Variants in BTBD3 observed in about 807,000 individuals in gnomAD.
BTBD3 encodes BTB/POZ domain-containing protein 3.
Under a neutral mutation model 41.6 loss-of-function variants are expected in BTBD3, and 14 were observed. The observed-to-expected ratio is 0.34, with a 90% CI of 0.22 to 0.53. BTBD3 has a LOEUF of 0.53. Ranked by LOEUF, BTBD3 falls within the 20% of genes least tolerant of loss-of-function variation. The probability of loss-of-function intolerance (pLI) is 0.95; values close to 1 mark genes in which losing one functional copy is unlikely to be tolerated. For synonymous variants in BTBD3, 249 were observed against 233.7 expected, an observed-to-expected ratio of 1.07 and a Z score of -0.60; for missense variants, 426 against 654.7, an observed-to-expected ratio of 0.65 and a Z score of 3.81.
chr20:11,901,489 C>T (rs2056823519), intron 1 of BTBD3, among the ~76,000 whole-genome samples: 1 of 152,178 alleles, frequency 6.6e-6, no homozygotes, highest in African/African-American at 2.4e-5. Context: ...CTTCCTTACC[C>T]TTCCCCAAGA....
chr20:11,896,625 G>A (rs1271687871), intron 1 of BTBD3, among the ~76,000 whole-genome samples: 1 of 152,110 alleles, frequency 6.6e-6, no homozygotes, highest in Non-Finnish European at 1.5e-5. Flanking sequence ...TTCTTCATCA[G>A]GACAAAGAAA....
At chr20:11,913,135 G>C (rs2056899161), upstream of BTBD3, among the ~76,000 whole-genome samples, 1 of 152,160 alleles carries the variant, frequency 6.6e-6, no homozygotes, top group Non-Finnish European at 1.5e-5. Context: ...ACCTTACCTT[G>C]TTTAAACCTC....
Position 11,926,205 on chromosome 20 carries a change from T to C in BTBD3, c.*2539T>C, listed in dbSNP as rs1440686041. ...AAGCAGAATACACTGTAGATGCTTT[T>C]CCCCAACGTATCTGGCTGGCAGTCT... On this transcript the variant is annotated 3_prime_UTR_variant, in exon 4 of 4. Transcript: ENST00000378226. The C allele has an allele frequency of 6.5e-6, 1 of 152,680 alleles. No homozygotes were observed. Among genetic ancestry groups the C allele is most frequent in the Non-Finnish European group, 1.5e-5 (1 of 68,042 alleles). The allele number at this position is 152,680 out of a possible 1,614,324, so 9.5% of individuals were successfully genotyped here.
At chr20:11,904,347 T>C (rs2056841070) in intron 1 of BTBD3, among the ~76,000 whole-genome samples, 1 of 152,158 alleles carries the variant, frequency 6.6e-6, no homozygotes, top group South Asian at 2.1e-4. Flanking sequence ...CCAGATCTCA[T>C]GAGAACTTAC....
rs746916322 is a variant in BTBD3 at position 11,923,480 on chromosome 20, C to G, written c.1383C>G (p.Ile461Met). ...TATGGTTTGAATACCCAGTGCAGAT[C>G]GAGCCAGACACCTTCTACACAGCCA... Reference protein sequence around the residue: ...FPVWFEYPVQIEPDTFYTASV... With the variant: ...FPVWFEYPVQMEPDTFYTASV... Residue 461 changes from isoleucine to methionine, a missense_variant, in exon 4 of 4, where the codon ATC becomes ATG. By Grantham distance (10) the Ile-to-Met change is conservative. Transcript: ENST00000378226. The surrounding 1 kb of genome is among the most constrained non-coding windows in gnomAD (Gnocchi z 5.3). 1 of 1,614,108 alleles carries G rather than the reference C, an allele frequency of 6.2e-7. No homozygotes were observed. The highest frequency in any genetic ancestry group is 8.5e-7 in the Non-Finnish European group (1 of 1,180,008).
chr20:11,923,794 T>TAAAAGAAATTAGAACCTG lies in BTBD3; in HGVS notation c.*128_*129insAAAAGAAATTAGAACCTG. The TAAAAGAAATTAGAACCTG allele has an allele frequency of 1.1e-6, 1 of 938,008 alleles. No homozygotes were observed. The highest frequency in any genetic ancestry group is 1.6e-6 in the Non-Finnish European group (1 of 636,936). 58.1% of individuals were successfully genotyped at this position (938,008 alleles called of 1,614,324 possible). The stretch of plus-strand genomic sequence containing the variant: ...GTAATGAATGAAGCGGTAGGCAGGT[T>TAAAAGAAATTAGAACCTG]CTAATTTCTTTTAACCTTTTAATTA... On this transcript the variant is annotated 3_prime_UTR_variant, in exon 4 of 4. Transcript: ENST00000378226. This position sits in a 1 kb window ranked among gnomAD's most constrained non-coding sequence, Gnocchi z 5.3.
chr20:11,899,758 C>G (rs2056812694), intron 1 of BTBD3, among the ~76,000 whole-genome samples: 1 of 152,138 alleles, frequency 6.6e-6, no homozygotes, highest in Admixed American at 6.5e-5. Flanking sequence ...CTTTCCTCCT[C>G]TTTCTTAATA....
chr20:11,923,704 A>C lies in BTBD3; in HGVS notation c.*38A>C. 1.9e-6 allele frequency: 3 copies of C among 1,546,472 alleles called. No individual in the cohort carries two copies. The highest frequency in any genetic ancestry group is 2.6e-6 in the Non-Finnish European group (3 of 1,144,874). ...TGAAGCAGCTTGAGCTCCAAAGTGC[A>C]CATCTGGTTCCAACTTGCCTGATGC... On this transcript the variant is annotated 3_prime_UTR_variant, in exon 4 of 4. Transcript: ENST00000378226. This position sits in a 1 kb window ranked among gnomAD's most constrained non-coding sequence, Gnocchi z 5.3.
At chr20:11,919,223 G>T in intron 2 of BTBD3, 47 bp downstream of exon 2, 1 of 1,551,944 alleles carries the variant, frequency 6.4e-7, no homozygotes, top group East Asian at 2.3e-5. Context: ...TTTACAAAGA[G>T]GGACCCTTTC....
At position 11,918,613 on chromosome 20, in the gene BTBD3, G is replaced by A. The variant is rs191954510; in HGVS notation, c.326+12G>A. ...ACCATTAGAGAGAGGTAAGTGCCGCGCTAGTCTATTTACTTTAAAAGTTTT... is the reference window on the plus strand; with the variant it reads ...ACCATTAGAGAGAGGTAAGTGCCGCACTAGTCTATTTACTTTAAAAGTTTT... On this transcript the variant is annotated intron_variant, in intron 1 of 3. Transcript: ENST00000378226. The A allele has an allele frequency of 5.6e-3, 8,698 of 1,563,422 alleles. 44 individuals are homozygous for A. Among genetic ancestry groups the A allele is most frequent in the South Asian group, 0.01 (851 of 81,932 alleles).
At position 11,923,304 on chromosome 20, in the gene BTBD3, A is replaced by C. The variant is rs759996580; in HGVS notation, c.1207A>C (p.Lys403Gln). Reference sequence around the variant, plus strand: ...TGACAGCATCCAGTTTGCAGTTGATAAAAGAGTGTTCATTGCTGGCTTTGG... The same window carrying C: ...TGACAGCATCCAGTTTGCAGTTGATCAAAGAGTGTTCATTGCTGGCTTTGG... The part of the protein sequence containing the change: ...RCDSIQFAVD[K>Q]RVFIAGFGLY... Residue 403 changes from lysine to glutamine, a missense_variant, in exon 4 of 4, where the codon AAA becomes CAA. By Grantham distance (53) the Lys-to-Gln change is moderately conservative. Coordinates refer to ENST00000378226, the MANE Select transcript of BTBD3 (RefSeq NM_014962.4). The surrounding 1 kb of genome is among the most constrained non-coding windows in gnomAD (Gnocchi z 5.3). 6.2e-6 allele frequency: 10 copies of C among 1,614,226 alleles called. No individual in the cohort carries two copies. In the South Asian group the frequency reaches 1.1e-4, roughly 18 times the overall value.
At chr20:11,911,422 C>G (rs1013829234) in intron 1 of BTBD3, among the ~76,000 whole-genome samples, 1 of 152,124 alleles carries the variant, frequency 6.6e-6, no homozygotes, top group African/African-American at 2.4e-5. Context: ...GATAGGCGAT[C>G]ATGTAGTCAA....
intron 1 of BTBD3, among the ~76,000 whole-genome samples, chr20:11,912,517 C>T (rs144923898): frequency 1.3e-5 from 2 of 152,104 alleles, no homozygotes; most frequent in Non-Finnish European, 2.9e-5. Context: ...ATAGGTGGGG[C>T]TAGAGGAAGC....
rs1028338617 is a variant in BTBD3 at position 11,918,204 on chromosome 20, G to T, written c.-72G>T. The T allele has an allele frequency of 2.7e-6, 4 of 1,501,712 alleles. No homozygotes were observed. The South Asian group carries it at 4.2e-5, about 16-fold the overall frequency. The allele number at this position is 1,501,712 out of a possible 1,614,324, so 93.0% of individuals were successfully genotyped here. A position where few individuals can be genotyped will look rare whatever the true frequency, so the allele number is the denominator to read the frequency against. On this transcript the variant is annotated 5_prime_UTR_variant, in exon 1 of 4. Coordinates refer to ENST00000378226, the MANE Select transcript of BTBD3 (RefSeq NM_014962.4). ...TTGGTTTCAGTTAACCTCTTAGCCC[G>T]GGCTAATCTCTTTTCCTTGATGTTC...
At chr20:11,904,392 A>G (rs964123798) in intron 1 of BTBD3, among the ~76,000 whole-genome samples, 3 of 152,174 alleles carry the variant, frequency 2.0e-5, no homozygotes, top group African/African-American at 7.2e-5. Context: ...CCTATGATCC[A>G]GTCACCTCCC....
At chr20:11,910,880 A>G (rs193006575) in intron 1 of BTBD3, among the ~76,000 whole-genome samples, 52 of 152,354 alleles carry the variant, frequency 3.4e-4, no homozygotes, top group African/African-American at 1.2e-3. Context: ...ATTCTACCAT[A>G]TCAATGGTTG....
intron 1 of BTBD3, among the ~76,000 whole-genome samples, chr20:11,904,022 G>T (rs1431782735): frequency 2.6e-5 from 4 of 152,200 alleles, no homozygotes; most frequent in African/African-American, 9.7e-5. Flanking sequence ...TTTTCTAGGA[G>T]AATGAAAGGG....
At chr20:11,906,829 CTTTG>C (rs1029773076) in intron 1 of BTBD3, among the ~76,000 whole-genome samples, 35 of 152,252 alleles carry the variant, frequency 2.3e-4, no homozygotes, top group African/African-American at 7.9e-4. Flanking sequence ...TATTTTATTA[CTTTG>C]TTTGAAGACT....
At chr20:11,920,949 C>CG in intron 3 of BTBD3, among the ~76,000 whole-genome samples, 1 of 56,572 alleles carries the variant, frequency 1.8e-5, no homozygotes, top group South Asian at 5.2e-4. Flanking sequence ...ACTGACAAGA[C>CG]CTTCACAGTA....
Sources: gnomAD v4.1 joint callset for allele counts (sites outside exome capture counted in the v4.1 genomes callset) on GRCh38, gnomAD v4.1.1 for gene constraint, Gnocchi (gnomAD v3.1) non-coding constraint, MANE v1.5 for transcripts, NCBI Gene and HGNC (gene_info 2026-07-23, HGNC 2026-07-21) for gene names.